SETD3: variants seen among roughly 807,000 people sequenced by gnomAD.
The protein encoded by SETD3 is actin-histidine N-methyltransferase.
A neutral mutation model predicts 63.0 loss-of-function variants in SETD3; 19 were observed. The ratio of observed to expected loss-of-function variants is 0.30; its 90% CI spans 0.21 to 0.44. SETD3 has a LOEUF of 0.44. Ranked by LOEUF, SETD3 falls within the 20% of genes least tolerant of loss-of-function variation. The pLI, the probability that SETD3 is intolerant of heterozygous loss-of-function variation, is 1.00. For synonymous variants in SETD3, 286 were observed against 264.1 expected, an observed-to-expected ratio of 1.08 and a Z score of -0.80; for missense variants, 587 against 728.5, an observed-to-expected ratio of 0.81 and a Z score of 2.24.
intron 6 of SETD3, among the ~76,000 whole-genome samples, chr14:99,433,866 T>C (rs1276067226): frequency 6.6e-6 from 1 of 152,166 alleles, no homozygotes; most frequent in African/African-American, 2.4e-5. Context: ...AAAATTACCA[T>C]AAATAATACT....
intron 6 of SETD3, among the ~76,000 whole-genome samples, chr14:99,429,576 T>C (rs1893062465): frequency 6.6e-6 from 1 of 152,202 alleles, no homozygotes; most frequent in Non-Finnish European, 1.5e-5. Context: ...ATTTCTTGTC[T>C]CTTTTGTTTC....
At chr14:99,446,662 T>C (rs1281244709) in intron 6 of SETD3, among the ~76,000 whole-genome samples, 2 of 152,072 alleles carry the variant, frequency 1.3e-5, no homozygotes, top group Non-Finnish European at 2.9e-5. Flanking sequence ...CCCAAACTGA[T>C]TGACAAAAGC....
intron 8 of SETD3, among the ~76,000 whole-genome samples, chr14:99,407,831 C>T (rs2139627529): frequency 1.3e-5 from 2 of 152,240 alleles, no homozygotes; most frequent in South Asian, 4.1e-4. Context: ...AGCTGGAGCC[C>T]CTTGTTGATC....
At chr14:99,476,245 A>T (rs1895966089) in intron 1 of SETD3, among the ~76,000 whole-genome samples, 2 of 152,222 alleles carry the variant, frequency 1.3e-5, no homozygotes, top group South Asian at 4.1e-4. Context: ...TCTTACTGAT[A>T]ATAATATTTC....
At chr14:99,472,686 A>T (rs923377168) in intron 1 of SETD3, among the ~76,000 whole-genome samples, 1 of 152,248 alleles carries the variant, frequency 6.6e-6, no homozygotes, top group Non-Finnish European at 1.5e-5. Flanking sequence ...ATGTGCATAC[A>T]CATACGAACT....
chr14:99,405,957 T>C (rs1055700268), intron 9 of SETD3, among the ~76,000 whole-genome samples: 4 of 152,156 alleles, frequency 2.6e-5, no homozygotes, highest in African/African-American at 7.2e-5. Flanking sequence ...TGGATGTGAG[T>C]TCCATGACTG....
At chr14:99,471,684 C>T (rs1895713795) in intron 1 of SETD3, among the ~76,000 whole-genome samples, 1 of 152,170 alleles carries the variant, frequency 6.6e-6, no homozygotes, top group Non-Finnish European at 1.5e-5. Flanking sequence ...TTTCAAAATC[C>T]AGTTTTAGAT....
chr14:99,449,777 A>C (rs1188167385), intron 6 of SETD3, among the ~76,000 whole-genome samples: 1 of 152,248 alleles, frequency 6.6e-6, no homozygotes, highest in East Asian at 1.9e-4. Flanking sequence ...AGATCATTAA[A>C]CTGAAGGCTG....
chr14:99,421,553 G>T (rs1419723840), intron 6 of SETD3, among the ~76,000 whole-genome samples: 1 of 151,992 alleles, frequency 6.6e-6, no homozygotes, highest in African/African-American at 2.4e-5. Flanking sequence ...TCCTAGAAAG[G>T]TATGACCTCA....
At position 99,438,162 on chromosome 14, in the gene SETD3, G is replaced by A. The variant is rs553613487; in HGVS notation, c.675+20117C>T. On this transcript the variant is annotated intron_variant, in intron 6 of 12. Transcript: ENST00000331768. The stretch of plus-strand genomic sequence containing the variant: ...CATTAGAGCTGGTCTTGAAATCACT[G>A]ATATATTTAAATTGAAATCTGCTCT... 1.8e-3 allele frequency among the ~76,000 whole-genome samples: 269 copies of A among 152,308 alleles called. 4 individuals carry two copies. In the South Asian group the frequency reaches 0.035, roughly 20 times the overall value.
At chr14:99,448,206 A>G (rs762393244) in intron 6 of SETD3, among the ~76,000 whole-genome samples, 4 of 152,034 alleles carry the variant, frequency 2.6e-5, no homozygotes, top group Non-Finnish European at 5.9e-5. Context: ...CCCATTCCCC[A>G]TTTGAAAAAT....
At chr14:99,437,159 C>T (rs1893529661) in intron 6 of SETD3, among the ~76,000 whole-genome samples, 1 of 152,212 alleles carries the variant, frequency 6.6e-6, no homozygotes, top group South Asian at 2.1e-4. Context: ...ACCCAGACCT[C>T]GCAGGCACGC....
At chr14:99,444,760 G>A (rs1158770489) in intron 6 of SETD3, among the ~76,000 whole-genome samples, 2 of 152,022 alleles carry the variant, frequency 1.3e-5, no homozygotes, top group African/African-American at 4.8e-5. Flanking sequence ...GCTTGAGCCT[G>A]GCAGGTGGAG....
At chr14:99,408,323 C>T (rs769501234) in intron 8 of SETD3, among the ~76,000 whole-genome samples, 2 of 152,188 alleles carry the variant, frequency 1.3e-5, no homozygotes, top group Non-Finnish European at 2.9e-5. Context: ...ACATTTCACT[C>T]GCAGAACATT....
At chr14:99,444,160 A>G (rs969713171) in intron 6 of SETD3, 1 of 152,242 alleles carries the variant, frequency 6.6e-6, no homozygotes, top group African/African-American at 2.4e-5. Flanking sequence ...ATCAGTGGAA[A>G]AGGCAAAGCT....
At chr14:99,461,141 A>AC in intron 4 of SETD3, 51 bp downstream of exon 4, 1 of 1,602,176 alleles carries the variant, frequency 6.2e-7, no homozygotes, top group Non-Finnish European at 8.5e-7. Flanking sequence ...TCTACAGCAC[A>AC]CCACAGTTCA....
upstream of SETD3, chr14:99,481,565 C>G (rs1027650554): frequency 2.5e-6 from 1 of 398,028 alleles, no homozygotes; most frequent in African/African-American, 2.1e-5. Flanking sequence ...CGCCGCTATC[C>G]ACTGGCGGAG....
intron 12 of SETD3, 89 bp from the exon 13 acceptor site, chr14:99,399,214 G>A (rs760648411): frequency 4.2e-6 from 5 of 1,188,532 alleles, no homozygotes; most frequent in Non-Finnish European, 6.0e-6. Context: ...ATGGGGACAT[G>A]AGGGAACTTT....
At chr14:99,469,204 G>C (rs1408978671) in intron 1 of SETD3, among the ~76,000 whole-genome samples, 1 of 152,150 alleles carries the variant, frequency 6.6e-6, no homozygotes, top group East Asian at 1.9e-4. Flanking sequence ...GTAACAAACA[G>C]GTGTATAATT....
Sources: gnomAD v4.1 joint callset for allele counts (sites outside exome capture counted in the v4.1 genomes callset) on GRCh38, gnomAD v4.1.1 for gene constraint, MANE v1.5 for transcripts, NCBI Gene and HGNC (gene_info 2026-07-23, HGNC 2026-07-21) for gene names.